TMCC2: variants seen among roughly 807,000 people sequenced by gnomAD.
TMCC2 encodes the protein transmembrane and coiled-coil domain family 2, also known as transmembrane and coiled-coil domains protein 2.
Under a neutral mutation model 49.4 loss-of-function variants are expected in TMCC2, and 16 were observed. That is an observed-to-expected ratio of 0.32 (90% CI 0.22 to 0.49). TMCC2 has a LOEUF of 0.49. Ranked by LOEUF, TMCC2 falls within the 20% of genes least tolerant of loss-of-function variation. TMCC2 has a pLI of 0.99. For missense variants in TMCC2, 762 were observed against 989.8 expected (o/e 0.77, Z 3.09); for synonymous variants, 397 against 434.1 (o/e 0.91, Z 1.06).
intron 2 of TMCC2, among the ~76,000 whole-genome samples, chr1:205,249,662 G>A (rs890227450): frequency 2.6e-5 from 4 of 152,178 alleles, no homozygotes; most frequent in Admixed American, 6.5e-5. Flanking sequence ...AGCCTCTGCC[G>A]GCCTGCCCTT....
chr1:205,242,180 C>T (rs1327196839), intron 2 of TMCC2, 136 bp downstream of exon 2: 2 of 1,032,894 alleles, frequency 1.9e-6, no homozygotes, highest in East Asian at 2.7e-5. Context: ...AGTTATCTAC[C>T]TTGGTTAAAG....
At chr1:205,235,265 A>G (rs1659992501) in intron 1 of TMCC2, among the ~76,000 whole-genome samples, 1 of 152,120 alleles carries the variant, frequency 6.6e-6, no homozygotes, top group South Asian at 2.1e-4. Flanking sequence ...CCGATGGGAA[A>G]GCATGTGGCA....
At chr1:205,228,870 C>A (rs771262558) in intron 1 of TMCC2, 99 bp downstream of exon 1, 6 of 1,466,784 alleles carry the variant, frequency 4.1e-6, no homozygotes, top group African/African-American at 1.4e-5. Flanking sequence ...GGGGGGAAGC[C>A]AGGCAAAGGT....
At chr1:205,268,009 T>G (rs1668871) in intron 2 of TMCC2, 4 of 985,060 alleles carry the variant, frequency 4.1e-6, no homozygotes, top group Non-Finnish European at 2.4e-6. Context: ...ACTGGGGGCT[T>G]CCACCATTAT....
At chr1:205,246,426 G>T in intron 2 of TMCC2, 1 of 1,260,004 alleles carries the variant, frequency 7.9e-7, no homozygotes, top group South Asian at 1.8e-5. Context: ...GGAGTTCTGG[G>T]GAGAGATCCA....
At chr1:205,261,196 C>CTT (rs34247734) in intron 2 of TMCC2, among the ~76,000 whole-genome samples, 15 of 95,224 alleles carry the variant, frequency 1.6e-4, no homozygotes, top group East Asian at 8.7e-4. Context: ...CACTTATTTC[C>CTT]TTTTTTTTTT....
Position 205,272,505 on chromosome 1 carries a change from G to A in TMCC2, c.*381G>A, listed in dbSNP as rs975917393. ...TCTGCCTCAACTTTCCTAGGAAAGA[G>A]CCCACCTCGGAGATAGCTACGGTTT... On this transcript the variant is annotated 3_prime_UTR_variant, in exon 5 of 5. Transcript: ENST00000358024. The A allele has an allele frequency of 4.4e-6, 1 of 225,174 alleles. No homozygotes were observed. The highest frequency in any genetic ancestry group is 8.8e-6 in the Non-Finnish European group (1 of 113,698). The allele number at this position is 225,174 out of a possible 1,614,324, so 13.9% of individuals were successfully genotyped here. A position where few individuals can be genotyped will look rare whatever the true frequency, so the allele number is the denominator to read the frequency against.
In TMCC2 at chr1:205,228,685, G is replaced by C. The variant is rs774022417; in HGVS notation, c.121G>C (p.Ala41Pro). The C allele has an allele frequency of 6.2e-7, 1 of 1,612,656 alleles. No homozygotes were observed. The highest frequency in any genetic ancestry group is 8.5e-7 in the Non-Finnish European group (1 of 1,179,848). ...ADLRPGETTG[A>P]NSAGGPTSDA... ...CCTCCGGCCTGGGGAGACCACGGGT[G>C]CTAACTCTGCTGGCGGGCCAACTTC... The change falls in exon 1 of 5, where the codon GCT becomes CCT. Residue 41 changes from alanine (A) to proline (P), a missense_variant. Around this residue, in one of 2 missense-constraint regions of TMCC2, gnomAD observed 322 missense variants for 353.1 expected, o/e 0.91. Coordinates refer to ENST00000358024, the MANE Select transcript of TMCC2 (RefSeq NM_014858.4).
At chr1:205,247,106 G>A (rs1358794553) in intron 2 of TMCC2, among the ~76,000 whole-genome samples, 1 of 152,174 alleles carries the variant, frequency 6.6e-6, no homozygotes, top group East Asian at 1.9e-4. Context: ...GGAAATGGTT[G>A]TTCTTGTGAC....
chr1:205,241,615 G>GCAGCAT lies in TMCC2; in HGVS notation c.324_329dup (p.His108_Gln109dup). The GCAGCAT allele has an allele frequency of 6.2e-7, 1 of 1,613,928 alleles. No individual in the cohort carries two copies. Among genetic ancestry groups the GCAGCAT allele is most frequent in the Non-Finnish European group, 8.5e-7 (1 of 1,179,996 alleles). ...AGCACCAGACGTCTCAGGATTCCCAGCAGCATCAGCAGCAGCAGGGTATGT... is the reference window on the plus strand; with the variant it reads ...AGCACCAGACGTCTCAGGATTCCCAGCAGCATCAGCATCAGCAGCAGCAGGGTATGT... On this transcript the variant is annotated inframe_insertion, in exon 2 of 5. Coordinates refer to ENST00000358024, the MANE Select transcript of TMCC2 (RefSeq NM_014858.4). This position sits in a 1 kb window ranked among gnomAD's most constrained non-coding sequence, Gnocchi z 7.3.
chr1:205,250,746 G>C (rs1660635182), intron 2 of TMCC2, among the ~76,000 whole-genome samples: 1 of 152,178 alleles, frequency 6.6e-6, no homozygotes, highest in Non-Finnish European at 1.5e-5. Context: ...GCAGACACAG[G>C]TGGGAGAGGC....
chr1:205,237,505 GCTAT>G (rs1660100809), intron 1 of TMCC2, among the ~76,000 whole-genome samples: 1 of 152,210 alleles, frequency 6.6e-6, no homozygotes, highest in African/African-American at 2.4e-5. Context: ...GGGATAATTA[GCTAT>G]AGATTAGTGT....
intron 1 of TMCC2, among the ~76,000 whole-genome samples, chr1:205,232,653 G>A (rs886579414): frequency 3.9e-5 from 6 of 152,190 alleles, no homozygotes; most frequent in South Asian, 2.1e-4. Flanking sequence ...CATACGGGCC[G>A]GGAGCGGTGG....
intron 2 of TMCC2, among the ~76,000 whole-genome samples, chr1:205,242,377 G>A (rs1463672984): frequency 6.6e-6 from 1 of 152,150 alleles, no homozygotes; most frequent in Non-Finnish European, 1.5e-5. Flanking sequence ...AGCAACTCTG[G>A]TTCTGCCACT....
chr1:205,231,005 C>CCG (rs1197207948), intron 1 of TMCC2, among the ~76,000 whole-genome samples: 1 of 131,012 alleles, frequency 7.6e-6, no homozygotes, highest in Non-Finnish European at 1.7e-5. Flanking sequence ...CATCCCCCCC[C>CCG]CCGCCCCCAG....
intron 1 of TMCC2, chr1:205,229,899 G>T: frequency 1.0e-6 from 1 of 985,440 alleles, no homozygotes; most frequent in Non-Finnish European, 1.2e-6. Flanking sequence ...CTGCCACAGG[G>T]ACTGCAGGCT....
At chr1:205,262,912 A>T (rs1661172050) in intron 2 of TMCC2, among the ~76,000 whole-genome samples, 1 of 152,040 alleles carries the variant, frequency 6.6e-6, no homozygotes, top group Non-Finnish European at 1.5e-5. Flanking sequence ...CTCAACTAGG[A>T]TCTCGTGGTG....
chr1:205,246,560 C>G, intron 2 of TMCC2: 1 of 1,546,638 alleles, frequency 6.5e-7, no homozygotes, highest in African/African-American at 1.4e-5. Context: ...GAGCTCTGCA[C>G]GCGTTGGCTA....
intron 1 of TMCC2, chr1:205,230,126 C>T (rs1659733368): frequency 1.0e-6 from 1 of 985,516 alleles, no homozygotes; most frequent in Non-Finnish European, 1.2e-6. Context: ...AATGCCATTC[C>T]TCATTTGGCC....
Sources: gnomAD v4.1 joint callset for allele counts (sites outside exome capture counted in the v4.1 genomes callset) on GRCh38, gnomAD v4.1.1 for gene constraint, gnomAD v4.1.1 regional missense constraint, Gnocchi (gnomAD v3.1) non-coding constraint, MANE v1.5 for transcripts, NCBI Gene and HGNC (gene_info 2026-07-23, HGNC 2026-07-21) for gene names.